The following KIDINS220 variants were observed in gnomAD, a reference collection of about 807,000 sequenced individuals.
The protein encoded by KIDINS220 is kinase D-interacting substrate of 220 kDa.
Under a neutral mutation model 157.6 loss-of-function variants are expected in KIDINS220, and 63 were observed. The observed-to-expected ratio is 0.40, with a 90% confidence interval of 0.33 to 0.49. The LOEUF is 0.49. KIDINS220 is among the 20% of genes least tolerant of loss of function. KIDINS220 has a pLI of 0.66. For missense variants in KIDINS220, 1,772 were observed against 2,171.2 expected, an observed-to-expected ratio of 0.82 and a Z score of 3.65; for synonymous variants, 732 against 783.6, an observed-to-expected ratio of 0.93 and a Z score of 1.10.
At chr2:8,824,862 G>GT (rs1397938237) in intron 2 of KIDINS220, among the ~76,000 whole-genome samples, 1 of 152,142 alleles carries the variant, frequency 6.6e-6, no homozygotes, top group Non-Finnish European at 1.5e-5. Context: ...AGGAAATCCT[G>GT]TTACGTGCTA....
chr2:8,814,605 C>T (rs1676791913), intron 4 of KIDINS220, among the ~76,000 whole-genome samples: 1 of 152,166 alleles, frequency 6.6e-6, no homozygotes, highest in African/African-American at 2.4e-5. Flanking sequence ...CATTACACCA[C>T]CACAGTTATG....
At chr2:8,827,837 TA>T (rs1261715803) in intron 1 of KIDINS220, among the ~76,000 whole-genome samples, 2 of 152,202 alleles carry the variant, frequency 1.3e-5, no homozygotes, top group Non-Finnish European at 2.9e-5. Context: ...TTACTTTTTT[TA>T]AAACTTTAAC....
chr2:8,803,078 G>T lies in KIDINS220; in HGVS notation c.653C>A (p.Ser218Ter). The change falls in exon 8 of 30, where the codon TCA becomes TAA. Residue 218 changes from serine (S) to a stop codon, truncating the protein, a stop_gained. Coordinates refer to ENST00000256707, the MANE Select transcript of KIDINS220 (RefSeq NM_020738.4). LOFTEE classifies it high-confidence loss of function. The part of the protein sequence containing the change: ...IVAVKGGYTQ[S>*]VKEILKRNPN... ...ATTCCTCTTCAAAATTTCTTTTACT[G>T]ACTGTGTGTAACCTCCTTTCACTGC... 1.2e-6 allele frequency: 2 copies of T among 1,612,556 alleles called. No individual in the cohort carries two copies. Among genetic ancestry groups the T allele is most frequent in the Non-Finnish European group, 1.7e-6 (2 of 1,179,884 alleles).
chr2:8,732,111 G>T lies in KIDINS220; in HGVS notation c.4054-129C>A, dbSNP rs1250523588. 29 of 770,514 alleles carry T rather than the reference G, an allele frequency of 3.8e-5. No homozygotes were observed. The South Asian group carries it at 8.4e-4, about 22-fold the overall frequency. The allele number at this position is 770,514 out of a possible 1,614,324, so 47.7% of individuals were successfully genotyped here. On this transcript the variant is annotated intron_variant, in intron 29 of 29. Coordinates refer to ENST00000256707, the MANE Select transcript of KIDINS220 (RefSeq NM_020738.4). Reference sequence around the variant, plus strand: ...ATCAAAACATCAAATTCTTTTAAAAGAATTCTACATAACACAGATTAACAA... The same window carrying T: ...ATCAAAACATCAAATTCTTTTAAAATAATTCTACATAACACAGATTAACAA...
At chr2:8,722,096 C>A (rs769553827), downstream of KIDINS220, 5 of 152,092 alleles carry the variant, frequency 3.3e-5, no homozygotes, top group Non-Finnish European at 7.4e-5. Flanking sequence ...CTCCACATAA[C>A]CACGCCATAT....
chr2:8,806,456 T>C, intron 6 of KIDINS220, 87 bp from the exon 7 acceptor site: 1 of 801,232 alleles, frequency 1.2e-6, no homozygotes, highest in South Asian at 2.0e-5. Flanking sequence ...ATAAAAATCT[T>C]ACTTTTTATC....
At chr2:8,822,347 C>A (rs73916012) in intron 2 of KIDINS220, among the ~76,000 whole-genome samples, 1 of 152,086 alleles carries the variant, frequency 6.6e-6, no homozygotes, top group Non-Finnish European at 1.5e-5. Context: ...ACAGGCCAGG[C>A]GCAGTGACTC....
rs568403290 is a variant in KIDINS220, at chr2:8,820,310, G to A, written c.109-1517C>T. Among the ~76,000 whole-genome samples the A allele has an allele frequency of 7.2e-5, 11 of 152,220 alleles. No individual in the cohort carries two copies. The South Asian group carries it at 1.2e-3, about 17-fold the overall frequency. ...TTATTGTCTGTCTCCCCTAAACGCCGGGAAACATGTCTGTTTTGCTTATGG... is the reference window on the plus strand; with the variant it reads ...TTATTGTCTGTCTCCCCTAAACGCCAGGAAACATGTCTGTTTTGCTTATGG... On this transcript the variant is annotated intron_variant, in intron 2 of 29. Coordinates refer to ENST00000256707, the MANE Select transcript of KIDINS220 (RefSeq NM_020738.4).
intron 8 of KIDINS220, among the ~76,000 whole-genome samples, chr2:8,801,229 T>C (rs1166197956): frequency 6.6e-6 from 1 of 152,220 alleles, no homozygotes; most frequent in East Asian, 1.9e-4. Context: ...TAAAAATCAG[T>C]TGTAGTCTTT....
chr2:8,725,384 C>T (rs184383948), downstream of KIDINS220: 68 of 152,288 alleles, frequency 4.5e-4, 1 homozygote, highest in African/African-American at 1.1e-3. Flanking sequence ...ACTAAATATA[C>T]ACTAAATGGC....
chr2:8,756,914 G>A (rs1444453823), intron 22 of KIDINS220, among the ~76,000 whole-genome samples: 3 of 152,204 alleles, frequency 2.0e-5, no homozygotes, highest in Non-Finnish European at 2.9e-5. Context: ...GATAATTTCA[G>A]TCTTTCACCA....
At chr2:8,812,039 C>A (rs1676403354) in intron 6 of KIDINS220, among the ~76,000 whole-genome samples, 1 of 152,120 alleles carries the variant, frequency 6.6e-6, no homozygotes, top group East Asian at 1.9e-4. Flanking sequence ...GAAACATAAC[C>A]AAACTTCAAT....
intron 1 of KIDINS220, among the ~76,000 whole-genome samples, chr2:8,830,926 T>C (rs755102091): frequency 6.6e-6 from 1 of 152,148 alleles, no homozygotes; most frequent in Admixed American, 6.5e-5. Context: ...GATCTAGGCA[T>C]CAATCCTAAA....
intron 17 of KIDINS220, among the ~76,000 whole-genome samples, chr2:8,784,254 T>G (rs562324830): frequency 4.9e-4 from 73 of 149,824 alleles, no homozygotes; most frequent in Non-Finnish European, 9.8e-4. Flanking sequence ...CTAGACACAT[T>G]CACACTTCAC....
downstream of KIDINS220, among the ~76,000 whole-genome samples, chr2:8,728,166 G>T (rs1293884970): frequency 6.6e-6 from 1 of 152,154 alleles, no homozygotes; most frequent in Non-Finnish European, 1.5e-5. Flanking sequence ...AACATAGCAA[G>T]GCTGCATCTC....
chr2:8,818,637 CA>C, intron 3 of KIDINS220, 57 bp downstream of exon 3: 16 of 1,085,790 alleles, frequency 1.5e-5, no homozygotes, highest in Middle Eastern at 2.6e-4. Context: ...TTCTGAAAAA[CA>C]AAAAAATAGC....
chr2:8,775,306 T>C (rs1046044924), intron 21 of KIDINS220, among the ~76,000 whole-genome samples: 1 of 152,196 alleles, frequency 6.6e-6, no homozygotes, highest in African/African-American at 2.4e-5. Flanking sequence ...TAGATGGCAT[T>C]TAAGCCTTTC....
downstream of KIDINS220, among the ~76,000 whole-genome samples, chr2:8,726,270 C>G (rs980763724): frequency 2.6e-5 from 4 of 152,198 alleles, no homozygotes; most frequent in African/African-American, 9.7e-5. Flanking sequence ...TCAAAAAGGG[C>G]TTCTGAGTTC....
At position 8,730,634 on chromosome 2, in the gene KIDINS220, A is replaced by T; in HGVS notation, c.*86T>A. The T allele has an allele frequency of 6.7e-7, 1 of 1,494,508 alleles. No individual in the cohort carries two copies. The highest frequency in any genetic ancestry group is 2.4e-5 in the Admixed American group (1 of 41,586). The allele number at this position is 1,494,508 out of a possible 1,614,324, so 92.6% of individuals were successfully genotyped here. ...TTAGTTATCTGTCAGCAAAATGTAG[A>T]AAGGTGATGGGCGTGGATGGAGTCA... On this transcript the variant is annotated 3_prime_UTR_variant, in exon 30 of 30. Coordinates refer to ENST00000256707, the MANE Select transcript of KIDINS220 (RefSeq NM_020738.4).
Sources: allele counts gnomAD v4.1 joint callset (sites outside exome capture counted in the v4.1 genomes callset), GRCh38; gene constraint gnomAD v4.1.1; transcripts MANE v1.5; gene names NCBI Gene and HGNC (gene_info 2026-07-23, HGNC 2026-07-21).